Variants in KIAA1549L observed in about 807,000 individuals in gnomAD.
KIAA1549L encodes the protein KIAA1549 like.
A neutral mutation model predicts 160.7 loss-of-function variants in KIAA1549L; 88 were observed. That is an observed-to-expected ratio of 0.55 (90% CI 0.46 to 0.65). The LOEUF (loss-of-function observed/expected upper bound fraction) is 0.65. Ranked by LOEUF, KIAA1549L falls within the 30% of genes least tolerant of loss-of-function variation. The pLI is 0.00. For missense variants in KIAA1549L, 2,258 were observed against 2,437.5 expected, an observed-to-expected ratio of 0.93 and a Z score of 1.55; for synonymous variants, 950 against 976.7, an observed-to-expected ratio of 0.97 and a Z score of 0.51.
At chr11:33,574,597 C>T in intron 9 of KIAA1549L, 105 bp from the exon 10 acceptor site, 1 of 1,079,364 alleles carries the variant, frequency 9.3e-7, no homozygotes, top group Non-Finnish European at 1.3e-6. Context: ...CGTCTAGCCA[C>T]AGAAGTCTTC....
intron 20 of KIAA1549L, among the ~76,000 whole-genome samples, chr11:33,663,927 G>A (rs78536917): frequency 0.013 from 1,982 of 152,274 alleles, 18 homozygotes; most frequent in African/African-American, 0.022. Flanking sequence ...GGCTGGGAAA[G>A]GTCTCCTGAA....
At chr11:33,589,577 A>C (rs1387397989) in intron 11 of KIAA1549L, among the ~76,000 whole-genome samples, 1 of 152,220 alleles carries the variant, frequency 6.6e-6, no homozygotes, top group Non-Finnish European at 1.5e-5. Flanking sequence ...AATACTATGC[A>C]GCCATAAAAA....
chr11:33,658,041 A>G (rs1359549425), intron 18 of KIAA1549L, among the ~76,000 whole-genome samples: 1 of 152,168 alleles, frequency 6.6e-6, no homozygotes, highest in Non-Finnish European at 1.5e-5. Context: ...TGTGAAGGAA[A>G]ATGGTCTGTG....
chr11:33,634,640 G>T (rs1851391316), intron 16 of KIAA1549L, among the ~76,000 whole-genome samples: 1 of 152,182 alleles, frequency 6.6e-6, no homozygotes, highest in Non-Finnish European at 1.5e-5. Context: ...GTTACACGGG[G>T]AAGATGTTTT....
intron 1 of KIAA1549L, among the ~76,000 whole-genome samples, chr11:33,439,030 A>C (rs1851438043): frequency 6.6e-6 from 1 of 151,436 alleles, no homozygotes; most frequent in South Asian, 2.1e-4. Context: ...GGATTCAAGC[A>C]ATTCTCCTGC....
intron 1 of KIAA1549L, among the ~76,000 whole-genome samples, chr11:33,531,407 G>A (rs879496024): frequency 2.6e-5 from 4 of 152,056 alleles, no homozygotes; most frequent in Admixed American, 6.5e-5. Flanking sequence ...CATGGGAGGC[G>A]GAGGTTGCAG....
chr11:33,589,311 T>C (rs1849975321), intron 11 of KIAA1549L, among the ~76,000 whole-genome samples: 1 of 152,164 alleles, frequency 6.6e-6, no homozygotes, highest in South Asian at 2.1e-4. Context: ...ACACCGTTGG[T>C]GGGACTGTAA....
chr11:33,407,128 A>G (rs1850677745), intron 1 of KIAA1549L, among the ~76,000 whole-genome samples: 2 of 120,580 alleles, frequency 1.7e-5, no homozygotes, highest in Non-Finnish European at 3.1e-5. Context: ...TCTGTCGTCC[A>G]GGCTGGAGTG....
At chr11:33,422,156 C>G (rs1851025678) in intron 1 of KIAA1549L, among the ~76,000 whole-genome samples, 2 of 152,038 alleles carry the variant, frequency 1.3e-5, no homozygotes, top group Admixed American at 1.3e-4. Context: ...CAAATGTCAT[C>G]CAAGATCCGG....
chr11:33,545,260 A>G lies in KIAA1549L; in HGVS notation c.3267A>G (p.Pro1089=). 1.2e-6 allele frequency: 2 copies of G among 1,613,998 alleles called. No homozygotes were observed. The highest frequency in any genetic ancestry group is 1.7e-6 in the Non-Finnish European group (2 of 1,179,888). Reference sequence around the variant, plus strand: ...CAGTGAAGGCCACCCGGTTGCCACCATTGCGAGCAGAAAACACAGATGCTG... The same window carrying G: ...CAGTGAAGGCCACCCGGTTGCCACCGTTGCGAGCAGAAAACACAGATGCTG... ...TASVKATRLP[P]LRAENTDAVL... The change falls in exon 3 of 21, where the codon CCA becomes CCG. Residue 1089 remains proline, a synonymous_variant. Transcript: ENST00000658780.
At chr11:33,649,535 C>T (rs967888156) in intron 17 of KIAA1549L, among the ~76,000 whole-genome samples, 1 of 147,222 alleles carries the variant, frequency 6.8e-6, no homozygotes, top group Non-Finnish European at 1.5e-5. Flanking sequence ...AAAGAAGCAG[C>T]AGCAGCAGCA....
chr11:33,571,036 G>A (rs184788120), intron 9 of KIAA1549L, among the ~76,000 whole-genome samples: 134 of 152,348 alleles, frequency 8.8e-4, no homozygotes, highest in Admixed American at 1.6e-3. Context: ...TGTAATCCCA[G>A]CACTTTGGGA....
At chr11:33,474,714 G>A (rs573858777) in intron 1 of KIAA1549L, among the ~76,000 whole-genome samples, 86 of 152,288 alleles carry the variant, frequency 5.6e-4, no homozygotes, top group African/African-American at 1.9e-3. Context: ...AAATGAAATG[G>A]CATCAGCAAA....
At position 33,545,155 on chromosome 11, in the gene KIAA1549L, C is replaced by A; in HGVS notation, c.3162C>A (p.Asn1054Lys). 6.2e-7 allele frequency: 1 copy of A among 1,614,032 alleles called. No homozygotes were observed. The highest frequency in any genetic ancestry group is 8.5e-7 in the Non-Finnish European group (1 of 1,179,898). ...KPQAMHTGLP[N>K]PTNLEMPRAS... ...AAGCCATGCACACCGGCCTCCCAAA[C>A]CCCACCAACCTGGAGATGCCCAGAG... The change falls in exon 3 of 21, where the codon AAC becomes AAA. Residue 1054 changes from asparagine to lysine, a missense_variant. Physicochemically the swap from Asn to Lys is moderately conservative, Grantham distance 94 (BLOSUM62 0). Coordinates refer to ENST00000658780, the MANE Select transcript of KIAA1549L (RefSeq NM_012194.3).
intron 1 of KIAA1549L, among the ~76,000 whole-genome samples, chr11:33,410,378 A>C (rs1489580319): frequency 1.3e-5 from 2 of 152,310 alleles, no homozygotes; most frequent in African/African-American, 4.8e-5. Flanking sequence ...AAATGAGATA[A>C]TGGATGTCGT....
chr11:33,503,210 C>T (rs774083776), intron 1 of KIAA1549L, among the ~76,000 whole-genome samples: 30 of 151,756 alleles, frequency 2.0e-4, no homozygotes, highest in Admixed American at 1.7e-3. Context: ...TTTTGTCTGG[C>T]TTCTCTTGTT....
At chr11:33,428,706 G>T (rs539752349) in intron 1 of KIAA1549L, among the ~76,000 whole-genome samples, 9 of 152,270 alleles carry the variant, frequency 5.9e-5, no homozygotes, top group African/African-American at 2.2e-4. Context: ...ATCATTTATG[G>T]ACGTTTGAGT....
At position 33,516,276 on chromosome 11, in the gene KIAA1549L, C is replaced by T. The variant is rs1261869565; in HGVS notation, c.239-25526C>T. Among the ~76,000 whole-genome samples the T allele has an allele frequency of 3.4e-5, 2 of 59,446 alleles. 1 individual carries two copies. Among genetic ancestry groups the T allele is most frequent in the Non-Finnish European group, 5.9e-5 (2 of 34,150 alleles). 39.0% of individuals were successfully genotyped at this position (59,446 alleles called of 152,430 possible). A position where few individuals can be genotyped will look rare whatever the true frequency, so the allele number is the denominator to read the frequency against. On this transcript the variant is annotated intron_variant, in intron 1 of 20. Coordinates refer to ENST00000658780, the MANE Select transcript of KIAA1549L (RefSeq NM_012194.3). ...ACGCCATTCTCCTGCCTCAGCCTCC[C>T]GAGTAGCTGGGACTACAGGCGCCCG... is the stretch of plus-strand genomic sequence containing the variant.
intron 8 of KIAA1549L, among the ~76,000 whole-genome samples, chr11:33,564,405 A>G (rs1246532362): frequency 2.0e-5 from 3 of 152,190 alleles, no homozygotes; most frequent in African/African-American, 7.2e-5. Flanking sequence ...TCTGTTTTCC[A>G]ACTATTAAAT....
Sources: allele counts gnomAD v4.1 joint callset (sites outside exome capture counted in the v4.1 genomes callset), GRCh38; gene constraint gnomAD v4.1.1; transcripts MANE v1.5; gene names NCBI Gene and HGNC (gene_info 2026-07-23, HGNC 2026-07-21).